NELL2: variants seen among roughly 807,000 people sequenced by gnomAD.
NELL2 encodes the protein neural EGFL like 2.
In NELL2, 41 loss-of-function variants were observed where a neutral mutation model predicts 109.6. The ratio of observed to expected loss-of-function variants is 0.37; its 90% CI spans 0.29 to 0.49. The LOEUF is 0.49. Among genes scored for constraint, NELL2 ranks in the 20% least tolerant of loss-of-function variants. The pLI is 0.98. For missense variants in NELL2, 900 were observed against 1,008.3 expected (o/e 0.89, Z 1.45); for synonymous variants, 355 against 344.7 (o/e 1.03, Z -0.33).
chr12:44,593,444 C>T (rs1041818903), intron 15 of NELL2, among the ~76,000 whole-genome samples: 2 of 152,118 alleles, frequency 1.3e-5, no homozygotes, highest in African/African-American at 4.8e-5. Context: ...TTATTAGGGA[C>T]TTTACATTTA....
intron 9 of NELL2, among the ~76,000 whole-genome samples, chr12:44,747,754 G>A (rs1038449638): frequency 6.6e-6 from 1 of 152,094 alleles, no homozygotes; most frequent in African/African-American, 2.4e-5. Context: ...CTGTTGCCAT[G>A]ACATATGCTG....
rs1309791567 is a variant in NELL2 at position 44,610,968 on chromosome 12, GT to G, written c.1446del (p.Glu482AspfsTer296). 6.2e-7 allele frequency: 1 copy of G among 1,612,032 alleles called. No homozygotes were observed. The highest frequency in any genetic ancestry group is 1.1e-5 in the South Asian group (1 of 91,004). On this transcript the variant is annotated frameshift_variant and splice_region_variant, in exon 14 of 20. Coordinates refer to ENST00000429094, the MANE Select transcript of NELL2 (RefSeq NM_001145108.2). LOFTEE classifies it high-confidence loss of function. The stretch of plus-strand genomic sequence containing the variant: ...TGCTGATTTGTGATACACTCATCAT[GT>G]TCTGAAATGAGGAATACAATTTTGT... ...YIRIDDYSCT[E>X]HDECITNQHN...
intron 9 of NELL2, among the ~76,000 whole-genome samples, chr12:44,749,628 C>CA (rs1308780442): frequency 2.6e-5 from 4 of 152,146 alleles, no homozygotes; most frequent in Non-Finnish European, 4.4e-5. Flanking sequence ...AGGATTATTA[C>CA]ATGTATTTCC....
intron 19 of NELL2, among the ~76,000 whole-genome samples, chr12:44,509,730 C>T (rs1940900189): frequency 6.6e-6 from 1 of 152,088 alleles, no homozygotes; most frequent in Non-Finnish European, 1.5e-5. Flanking sequence ...GTTGTTTAAG[C>T]CACCCAGTCT....
At chr12:44,617,768 C>T (rs61671085) in intron 13 of NELL2, among the ~76,000 whole-genome samples, 24,152 of 136,990 alleles carry the variant, frequency 0.18, 3,658 homozygotes, top group African/African-American at 0.39. Flanking sequence ...TTGCTTGCAA[C>T]AATAAGGACA....
intron 3 of NELL2, among the ~76,000 whole-genome samples, chr12:44,815,199 C>T (rs1029497811): frequency 1.3e-5 from 2 of 152,018 alleles, no homozygotes; most frequent in African/African-American, 4.8e-5. Context: ...CCTTTCCCCC[C>T]ATCCAGAGCT....
intron 3 of NELL2, among the ~76,000 whole-genome samples, chr12:44,780,968 C>T (rs544550878): frequency 1.3e-5 from 2 of 152,034 alleles, no homozygotes; most frequent in Non-Finnish European, 2.9e-5. Context: ...AGTCTCAGAA[C>T]ATGATACAAA....
At chr12:44,753,489 G>A (rs1261855496) in intron 9 of NELL2, among the ~76,000 whole-genome samples, 1 of 152,044 alleles carries the variant, frequency 6.6e-6, no homozygotes, top group South Asian at 2.1e-4. Flanking sequence ...GGCTCAAAAC[G>A]CAGCAAAGCA....
chr12:44,877,032 A>C (rs996359092), upstream of NELL2: 3 of 330,204 alleles, frequency 9.1e-6, no homozygotes, highest in African/African-American at 2.1e-5. Context: ...CTGCCAAATA[A>C]AGCGTGGAGA....
intron 15 of NELL2, among the ~76,000 whole-genome samples, chr12:44,560,277 C>G (rs950140083): frequency 6.6e-6 from 1 of 151,952 alleles, no homozygotes; most frequent in African/African-American, 2.4e-5. Flanking sequence ...ACTAAAGAAG[C>G]AAGAGCAAAC....
At chr12:44,797,561 A>T (rs1321762723) in intron 3 of NELL2, among the ~76,000 whole-genome samples, 2 of 152,056 alleles carry the variant, frequency 1.3e-5, no homozygotes, top group Admixed American at 1.3e-4. Flanking sequence ...CAACTTGGCC[A>T]GTTGTGTATA....
chr12:44,796,105 T>C (rs1942610904), intron 3 of NELL2, among the ~76,000 whole-genome samples: 1 of 152,042 alleles, frequency 6.6e-6, no homozygotes, highest in South Asian at 2.1e-4. Flanking sequence ...ATAATAAGAG[T>C]TGTAAATTTC....
intron 15 of NELL2, among the ~76,000 whole-genome samples, chr12:44,577,389 G>T (rs1049464836): frequency 6.9e-6 from 1 of 144,004 alleles, no homozygotes; most frequent in Admixed American, 6.9e-5. Context: ...TTTTTGATGG[G>T]GTTGTTTGTT....
upstream of NELL2, among the ~76,000 whole-genome samples, chr12:44,915,393 C>T (rs1180999022): frequency 6.6e-6 from 1 of 152,080 alleles, no homozygotes; most frequent in East Asian, 1.9e-4. Flanking sequence ...ATTTCATGTT[C>T]AAGGTTATCT....
Position 44,766,508 on chromosome 12 carries a change from C to A in NELL2, c.994+8239G>T, listed in dbSNP as rs186512820. On this transcript the variant is annotated intron_variant, in intron 9 of 19. Coordinates refer to ENST00000429094, the MANE Select transcript of NELL2 (RefSeq NM_001145108.2). ...TCTTGCCTATTCTTACTTCAAAATG[C>A]AATTTTGTATTATCTCAATTGAGAA... 2.6e-3 allele frequency among the ~76,000 whole-genome samples: 398 copies of A among 152,294 alleles called. 4 individuals carry two copies. Among genetic ancestry groups the A allele is most frequent in the African/African-American group, 8.7e-3 (362 of 41,558 alleles).
intron 1 of NELL2, among the ~76,000 whole-genome samples, chr12:44,887,900 T>C (rs552709537): frequency 6.6e-6 from 1 of 152,170 alleles, no homozygotes; most frequent in South Asian, 2.1e-4. Flanking sequence ...ACACAAAAAC[T>C]CTTTGCTGAG....
At chr12:44,875,516 G>T (rs1945290874) in intron 1 of NELL2, 163 bp from the exon 2 acceptor site, 1 of 1,613,992 alleles carries the variant, frequency 6.2e-7, no homozygotes, top group Non-Finnish European at 8.5e-7. Flanking sequence ...CCTGAGATCA[G>T]CAGCCAAGCT....
intron 13 of NELL2, among the ~76,000 whole-genome samples, chr12:44,620,212 T>C (rs550152087): frequency 6.6e-6 from 1 of 151,866 alleles, no homozygotes; most frequent in African/African-American, 2.4e-5. Context: ...AAATGTACTC[T>C]ATTGATGGTG....
At chr12:44,636,427 A>G (rs1946638461) in intron 13 of NELL2, among the ~76,000 whole-genome samples, 1 of 152,104 alleles carries the variant, frequency 6.6e-6, no homozygotes, top group Admixed American at 6.6e-5. Flanking sequence ...GTCTGTCATA[A>G]ATAGCTCTTA....
Sources: gnomAD v4.1 joint callset for allele counts (sites outside exome capture counted in the v4.1 genomes callset) on GRCh38, gnomAD v4.1.1 for gene constraint, MANE v1.5 for transcripts, NCBI Gene and HGNC (gene_info 2026-07-23, HGNC 2026-07-21) for gene names.